Variants in ARL15 observed in about 807,000 individuals in gnomAD.
ARL15 encodes ARF like GTPase 15.
Under a neutral mutation model 25.2 loss-of-function variants are expected in ARL15, and 19 were observed. The observed-to-expected ratio is 0.75, with a 90% CI of 0.53 to 1.10. The LOEUF (loss-of-function observed/expected upper bound fraction) is 1.10, where lower values mean the gene tolerates loss of function less well. Ranked by LOEUF, ARL15 falls within the 50% of genes least tolerant of loss-of-function variation. The probability of loss-of-function intolerance (pLI) is 0.00; values close to 1 mark genes in which losing one functional copy is unlikely to be tolerated. For synonymous variants in ARL15, 94 were observed against 86.8 expected (o/e 1.08, Z -0.46); for missense variants, 220 against 246.0 (o/e 0.89, Z 0.71).
chr5:54,245,588 G>A (rs1222746612), intron 1 of ARL15, among the ~76,000 whole-genome samples: 3 of 151,842 alleles, frequency 2.0e-5, no homozygotes, highest in Admixed American at 2.0e-4. Flanking sequence ...AATCAGGATG[G>A]GGACTTCTTT....
intron 1 of ARL15, among the ~76,000 whole-genome samples, chr5:54,179,666 C>G (rs1754991611): frequency 1.3e-5 from 2 of 152,058 alleles, no homozygotes; most frequent in African/African-American, 4.8e-5. Context: ...CTCTTTCACA[C>G]TGTTTGCTTC....
chr5:54,096,583 G>C (rs2112163023), intron 4 of ARL15, among the ~76,000 whole-genome samples: 1 of 152,162 alleles, frequency 6.6e-6, no homozygotes, highest in South Asian at 2.1e-4. Context: ...GCTAATTTTT[G>C]TATTTTTAGT....
chr5:54,221,825 GCACACACACACACACACACACACACACA>G (rs3035310), intron 1 of ARL15, among the ~76,000 whole-genome samples: 7 of 142,122 alleles, frequency 4.9e-5, no homozygotes, highest in African/African-American at 1.8e-4. Context: ...CAAGAAACAT[GCACACACACACACACACACACACACACA>G]CACACACACA....
At chr5:53,889,952 A>G (rs1359350977) in intron 4 of ARL15, among the ~76,000 whole-genome samples, 3 of 151,802 alleles carry the variant, frequency 2.0e-5, no homozygotes, top group Non-Finnish European at 4.4e-5. Flanking sequence ...AGCGGAGATT[A>G]CAGATGCCTG....
intron 4 of ARL15, among the ~76,000 whole-genome samples, chr5:54,085,932 T>TC (rs10686361): frequency 1.3e-5 from 2 of 151,524 alleles, no homozygotes; most frequent in African/African-American, 4.9e-5. Context: ...TTTTTTTTTT[T>TC]AGATGGCGTT....
intron 4 of ARL15, among the ~76,000 whole-genome samples, chr5:54,088,062 C>T (rs150169049): frequency 3.9e-5 from 6 of 152,178 alleles, no homozygotes; most frequent in Admixed American, 1.3e-4. Context: ...ATGATGCATC[C>T]TAGGAACTAT....
At chr5:54,288,760 CTT>C (rs1394350412) in intron 1 of ARL15, among the ~76,000 whole-genome samples, 2 of 152,184 alleles carry the variant, frequency 1.3e-5, no homozygotes, top group Non-Finnish European at 2.9e-5. Flanking sequence ...ACAAATAACA[CTT>C]TGGACAAGCC....
At chr5:54,004,998 T>G (rs2111744645) in intron 4 of ARL15, among the ~76,000 whole-genome samples, 1 of 151,550 alleles carries the variant, frequency 6.6e-6, no homozygotes, top group Non-Finnish European at 1.5e-5. Flanking sequence ...TTTCTTTTTC[T>G]TTTTTCTTTT....
At chr5:54,226,099 A>AG (rs1157440080) in intron 1 of ARL15, among the ~76,000 whole-genome samples, 2 of 152,114 alleles carry the variant, frequency 1.3e-5, no homozygotes, top group African/African-American at 4.8e-5. Flanking sequence ...GGGAGTGGGA[A>AG]GGCAGTCATA....
intron 3 of ARL15, among the ~76,000 whole-genome samples, chr5:54,148,500 A>T (rs1753975088): frequency 6.6e-6 from 1 of 152,208 alleles, no homozygotes. Context: ...ATATTACCCT[A>T]AAAAAGTTGT....
chr5:53,952,542 A>G (rs1580113154), intron 4 of ARL15, among the ~76,000 whole-genome samples: 2 of 152,184 alleles, frequency 1.3e-5, no homozygotes, highest in Admixed American at 6.5e-5. Flanking sequence ...CATTAAAAAA[A>G]ATGAATGTGA....
At chr5:54,233,144 T>G (rs1191557837) in intron 1 of ARL15, among the ~76,000 whole-genome samples, 1 of 152,168 alleles carries the variant, frequency 6.6e-6, no homozygotes, top group African/African-American at 2.4e-5. Context: ...AACTATCAAT[T>G]TTATTAAATC....
At chr5:54,175,874 T>A (rs1012326036) in intron 1 of ARL15, among the ~76,000 whole-genome samples, 6 of 151,626 alleles carry the variant, frequency 4.0e-5, no homozygotes, top group East Asian at 3.9e-4. Flanking sequence ...CTGGTCTCCA[T>A]CTCCTGAGCT....
intron 4 of ARL15, among the ~76,000 whole-genome samples, chr5:53,891,584 G>A (rs1744709792): frequency 1.3e-5 from 2 of 152,148 alleles, no homozygotes; most frequent in South Asian, 2.1e-4. Flanking sequence ...CCTGTATGGG[G>A]CTATTAGCTT....
chr5:54,155,556 T>G (rs149893), intron 2 of ARL15, among the ~76,000 whole-genome samples: 131,164 of 152,158 alleles, frequency 0.86, 56,645 homozygotes, highest in East Asian at 0.98. Flanking sequence ...GTAATACAAG[T>G]TTTATATTAT....
intron 4 of ARL15, among the ~76,000 whole-genome samples, chr5:54,048,957 C>T (rs1042361473): frequency 5.3e-5 from 8 of 152,076 alleles, no homozygotes; most frequent in African/African-American, 1.9e-4. Flanking sequence ...ATAGTGGGTA[C>T]AGTGGGTCCC....
chr5:54,013,544 C>T (rs1372018897), intron 4 of ARL15, among the ~76,000 whole-genome samples: 4 of 152,176 alleles, frequency 2.6e-5, no homozygotes, highest in East Asian at 1.9e-4. Flanking sequence ...ATGGGAAGGG[C>T]CTGAATTCTG....
At chr5:54,127,984 G>T (rs568233782) in intron 3 of ARL15, among the ~76,000 whole-genome samples, 2,276 of 152,182 alleles carry the variant, frequency 0.015, 49 homozygotes, top group African/African-American at 0.051. Flanking sequence ...AGCTGAAACT[G>T]GATCCCTTCC....
intron 1 of ARL15, among the ~76,000 whole-genome samples, chr5:54,176,710 C>T (rs1015956076): frequency 2.6e-5 from 4 of 152,178 alleles, no homozygotes; most frequent in East Asian, 1.9e-4. Flanking sequence ...AGTTTCCCCA[C>T]GATTAACCAG....
Sources: gnomAD v4.1 joint callset for allele counts (sites outside exome capture counted in the v4.1 genomes callset) on GRCh38, gnomAD v4.1.1 for gene constraint, MANE v1.5 for transcripts, NCBI Gene and HGNC (gene_info 2026-07-23, HGNC 2026-07-21) for gene names.